The following MTCL1 variants were observed in gnomAD, a reference collection of about 807,000 sequenced individuals.
MTCL1 encodes microtubule cross-linking factor 1.
A neutral mutation model predicts 141.4 loss-of-function variants in MTCL1; 79 were observed. That is an observed-to-expected ratio of 0.56 (90% CI 0.47 to 0.67). The LOEUF (loss-of-function observed/expected upper bound fraction) is 0.67, where lower values mean the gene tolerates loss of function less well. Ranked by LOEUF, MTCL1 falls within the 30% of genes least tolerant of loss-of-function variation. The pLI is 0.00. For missense variants in MTCL1, 2,177 were observed against 2,113.9 expected, an observed-to-expected ratio of 1.03 and a Z score of -0.59; for synonymous variants, 914 against 875.8, an observed-to-expected ratio of 1.04 and a Z score of -0.77.
At chr18:8,706,267 A>G (rs2096058218) in exon 1 of MTCL1, 2 of 1,228,698 alleles carry the variant, frequency 1.6e-6, no homozygotes, top group Non-Finnish European at 2.0e-6. Flanking sequence ...CTGCTCGCGC[A>G]TCAGCCACAC....
upstream of MTCL1, among the ~76,000 whole-genome samples, chr18:8,713,370 G>A (rs1293110129): frequency 6.6e-6 from 1 of 152,180 alleles, no homozygotes; most frequent in Admixed American, 6.5e-5. Context: ...AAAGACAACA[G>A]CGATTTTCCA....
exon 17 of MTCL1, chr18:8,832,353 T>C (rs990552334): frequency 1.3e-5 from 2 of 159,304 alleles, no homozygotes; most frequent in Non-Finnish European, 2.8e-5. Context: ...AAGACAGATA[T>C]TCTGTATGCT....
At chr18:8,826,169 G>A (rs763449523) in exon 15 of MTCL1, 1 of 1,612,398 alleles carries the variant, frequency 6.2e-7, no homozygotes, top group East Asian at 2.2e-5. Context: ...CTGCCCACGG[G>A]CCCCCGGGTC....
exon 17 of MTCL1, chr18:8,832,146 C>T (rs1323231554): frequency 1.2e-5 from 3 of 253,358 alleles, no homozygotes; most frequent in Non-Finnish European, 2.3e-5. Context: ...ATTCTGAACA[C>T]CCTCGCTGTC....
chr18:8,727,013 C>T (rs1056907155), intron 4 of MTCL1, among the ~76,000 whole-genome samples: 1 of 152,036 alleles, frequency 6.6e-6, no homozygotes, highest in East Asian at 1.9e-4. Context: ...CTATGTTTAC[C>T]CATTGTTTAG....
intron 4 of MTCL1, among the ~76,000 whole-genome samples, chr18:8,738,334 A>G (rs1057070154): frequency 6.6e-6 from 1 of 152,240 alleles, no homozygotes; most frequent in Non-Finnish European, 1.5e-5. Context: ...ACATATAGTA[A>G]TTCCCAGTTT....
At chr18:8,713,735 T>C (rs1265414510), upstream of MTCL1, among the ~76,000 whole-genome samples, 4 of 152,208 alleles carry the variant, frequency 2.6e-5, no homozygotes, top group African/African-American at 9.6e-5. Context: ...AGACCAATAA[T>C]GGTGGAAAGC....
intron 4 of MTCL1, among the ~76,000 whole-genome samples, chr18:8,739,428 G>A (rs565571646): frequency 2.6e-5 from 4 of 152,236 alleles, no homozygotes; most frequent in African/African-American, 7.2e-5. Flanking sequence ...ATATGAATGC[G>A]CTTCCCCCTA....
At chr18:8,730,328 CG>C (rs1412067245) in intron 4 of MTCL1, among the ~76,000 whole-genome samples, 1 of 152,104 alleles carries the variant, frequency 6.6e-6, no homozygotes, top group Non-Finnish European at 1.5e-5. Flanking sequence ...TACACAGCCC[CG>C]TCCTTATGAA....
Position 8,830,070 on chromosome 18 carries a change from C to T in MTCL1, c.*18+1106C>T. ...CAGAACAGATACACAATACACAACA[C>T]ACACACTACTTCTATAACAAGGGGA... On this transcript the variant is annotated intron_variant, in intron 16 of 16. Transcript: ENST00000359865. This position sits in a 1 kb window ranked among gnomAD's most constrained non-coding sequence, Gnocchi z 6.4. 1.0e-6 allele frequency: 1 copy of T among 985,500 alleles called. No individual in the cohort carries two copies. Among genetic ancestry groups the T allele is most frequent in the Non-Finnish European group, 1.2e-6 (1 of 830,024 alleles). The allele number at this position is 985,500 out of a possible 1,614,324, so 61.0% of individuals were successfully genotyped here. A position where few individuals can be genotyped will look rare whatever the true frequency, so the allele number is the denominator to read the frequency against.
intron 1 of MTCL1, chr18:8,707,605 A>G (rs60338634): frequency 0.075 from 11,474 of 152,674 alleles, 502 homozygotes; most frequent in Middle Eastern, 0.16. Context: ...ATTGACACCA[A>G]CTGTTTTATT....
At chr18:8,786,383 T>A in intron 7 of MTCL1, 4 of 627,970 alleles carry the variant, frequency 6.4e-6, no homozygotes, top group Non-Finnish European at 1.2e-5. Flanking sequence ...GGCTGATTGG[T>A]GAGTGCGCAG....
At chr18:8,820,414 A>C (rs1028082788) in intron 13 of MTCL1, among the ~76,000 whole-genome samples, 3 of 152,188 alleles carry the variant, frequency 2.0e-5, no homozygotes, top group African/African-American at 7.2e-5. Flanking sequence ...CATCCAAAAA[A>C]AAAAAGTTGA....
intron 6 of MTCL1, 87 bp downstream of exon 5, chr18:8,784,930 CACGGCTGCTT>C (rs1439374595): frequency 1.6e-6 from 2 of 1,220,798 alleles, no homozygotes; most frequent in Non-Finnish European, 2.3e-6. Context: ...TCACGCTGCT[CACGGCTGCTT>C]GGTTATGATT....
chr18:8,809,655 G>A, intron 11 of MTCL1: 4 of 1,501,542 alleles, frequency 2.7e-6, no homozygotes, highest in Non-Finnish European at 2.7e-6. Context: ...GAGTGGCCGG[G>A]CCTGGTGGCC....
At chr18:8,811,472 A>T (rs1030945101) in intron 11 of MTCL1, among the ~76,000 whole-genome samples, 1 of 152,188 alleles carries the variant, frequency 6.6e-6, no homozygotes, top group African/African-American at 2.4e-5. Context: ...ACTGATACAG[A>T]CATCTTTCTA....
At chr18:8,741,592 A>G (rs2096303659) in intron 4 of MTCL1, among the ~76,000 whole-genome samples, 2 of 152,230 alleles carry the variant, frequency 1.3e-5, no homozygotes, top group Admixed American at 1.3e-4. Flanking sequence ...GAAAACTGTG[A>G]CTGAGCACCA....
chr18:8,753,756 G>C (rs1380619845), intron 4 of MTCL1, among the ~76,000 whole-genome samples: 1 of 152,152 alleles, frequency 6.6e-6, no homozygotes, highest in African/African-American at 2.4e-5. Context: ...ACACGGTCCT[G>C]AGAAATAGTC....
chr18:8,753,036 A>G (rs553366100), intron 4 of MTCL1, among the ~76,000 whole-genome samples: 3 of 152,214 alleles, frequency 2.0e-5, no homozygotes, highest in East Asian at 1.9e-4. Context: ...CCCTAAGGCT[A>G]TAAGACCAGG....
Sources: gnomAD v4.1 joint callset for allele counts (sites outside exome capture counted in the v4.1 genomes callset) on GRCh38, gnomAD v4.1.1 for gene constraint, Gnocchi (gnomAD v3.1) non-coding constraint, MANE v1.5 for transcripts, NCBI Gene and HGNC (gene_info 2026-07-23, HGNC 2026-07-21) for gene names.